Variants in B4GALNT2 observed in about 807,000 individuals in gnomAD.
B4GALNT2 encodes the protein beta-1,4-N-acetyl-galactosaminyltransferase 2 (SID blood group).
B4GALNT2 carries 42 observed loss-of-function variants against 51.1 expected under a neutral mutation model. That is an observed-to-expected ratio of 0.82 (90% CI 0.64 to 1.06). B4GALNT2 has a LOEUF of 1.06. Among genes scored for constraint, B4GALNT2 ranks in the 50% least tolerant of loss-of-function variants. The pLI is 0.00. For synonymous variants in B4GALNT2, 253 were observed against 251.7 expected (o/e 1.01, Z -0.05); for missense variants, 602 against 633.6 (o/e 0.95, Z 0.54).
rs1422741889 is a variant in B4GALNT2 at position 49,170,996 on chromosome 17, TGGG to T, written c.*1269_*1271del. ...GAATGCTTTAAGCGGTTTTCCACCC[TGGG>T]TGGGCCAGGTGTTCCTTGCCCTTAT... On this transcript the variant is annotated 3_prime_UTR_variant, in exon 11 of 11. Coordinates refer to ENST00000393354, the MANE Select transcript of B4GALNT2 (RefSeq NM_001159387.2). The T allele has an allele frequency of 1.9e-5, 3 of 155,198 alleles. No individual in the cohort carries two copies. The highest frequency in any genetic ancestry group is 7.2e-5 in the African/African-American group (3 of 41,476). The allele number at this position is 155,198 out of a possible 1,614,324, so 9.6% of individuals were successfully genotyped here.
chr17:49,165,475 T>G (rs1345010587), intron 8 of B4GALNT2, among the ~76,000 whole-genome samples: 1 of 95,652 alleles, frequency 1.0e-5, no homozygotes, highest in African/African-American at 4.3e-5. Context: ...TCTCTCCCTC[T>G]CTTCTTCCCA....
intron 1 of B4GALNT2, among the ~76,000 whole-genome samples, chr17:49,139,055 G>A (rs1030714918): frequency 1.3e-5 from 2 of 151,970 alleles, no homozygotes; most frequent in African/African-American, 4.8e-5. Flanking sequence ...TTGTCACCAG[G>A]TACCCTATTA....
Position 49,156,595 on chromosome 17 carries a change from G to T in B4GALNT2, c.490G>T (p.Val164Phe), listed in dbSNP as rs149941656. The T allele has an allele frequency of 4.3e-6, 7 of 1,613,534 alleles. No individual in the cohort carries two copies. Among genetic ancestry groups the T allele is most frequent in the African/African-American group, 2.7e-5 (2 of 74,888 alleles). ...CCAGTTTGAAGGACCCGATGCCCCC[G>T]TCTATGAGGTGAGTCCTTCTCCCAG... The part of the protein sequence containing the change: ...GLQFEGPDAP[V>F]YEVTLTASLG... The change falls in exon 5 of 11, where the codon GTC becomes TTC. Residue 164 changes from valine (V) to phenylalanine (F), a missense_variant. By Grantham distance (50) the Val-to-Phe change is conservative. Coordinates refer to ENST00000393354, the MANE Select transcript of B4GALNT2 (RefSeq NM_001159387.2).
the B4GALNT2 span, among the ~76,000 whole-genome samples, chr17:49,127,449 TA>T: frequency 6.6e-6 from 1 of 152,182 alleles, no homozygotes; most frequent in South Asian, 2.1e-4. Flanking sequence ...AATCTTACTG[TA>T]CCAGTAAGTT....
At position 49,172,895 on chromosome 17, in the gene B4GALNT2, C is replaced by T. The variant is rs1247968865; in HGVS notation, c.*3167C>T. The T allele has an allele frequency of 6.6e-6, 1 of 152,172 alleles. No individual in the cohort carries two copies. Among genetic ancestry groups the T allele is most frequent in the Non-Finnish European group, 1.5e-5 (1 of 68,024 alleles). 9.4% of individuals were successfully genotyped at this position (152,172 alleles called of 1,614,324 possible). A position where few individuals can be genotyped will look rare whatever the true frequency, so the allele number is the denominator to read the frequency against. On this transcript the variant is annotated 3_prime_UTR_variant, in exon 11 of 11. Transcript: ENST00000393354. ...GGGAACATGTGTGACATCCATTTGC[C>T]AAAGAGAATTAGGTTCCAATCCTTG...
intron 3 of B4GALNT2, among the ~76,000 whole-genome samples, chr17:49,146,191 CATT>C (rs936584738): frequency 3.0e-4 from 46 of 152,308 alleles, no homozygotes; most frequent in African/African-American, 1.1e-3. Context: ...ACCTAGTTGG[CATT>C]ATAATTGTGA....
At chr17:49,153,342 G>A (rs1170862261) in intron 4 of B4GALNT2, among the ~76,000 whole-genome samples, 1 of 152,062 alleles carries the variant, frequency 6.6e-6, no homozygotes, top group Non-Finnish European at 1.5e-5. Context: ...TTGAACCTGG[G>A]AGGCCGAGGC....
At chr17:49,136,882 C>A (rs933760059) in intron 1 of B4GALNT2, among the ~76,000 whole-genome samples, 1 of 152,094 alleles carries the variant, frequency 6.6e-6, no homozygotes, top group Non-Finnish European at 1.5e-5. Context: ...GAACACTTGG[C>A]AAATTGTTTC....
chr17:49,134,696 C>T (rs988237037), intron 1 of B4GALNT2, among the ~76,000 whole-genome samples: 9 of 152,210 alleles, frequency 5.9e-5, no homozygotes, highest in South Asian at 4.1e-4. Flanking sequence ...CAAGCAATTC[C>T]CCTGCCTCAG....
upstream of B4GALNT2, among the ~76,000 whole-genome samples, chr17:49,131,204 C>CT (rs2042535933): frequency 1.3e-5 from 2 of 152,096 alleles, no homozygotes; most frequent in African/African-American, 4.8e-5. Flanking sequence ...ATACAAATGT[C>CT]TTTTTTTACC....
intron 3 of B4GALNT2, among the ~76,000 whole-genome samples, chr17:49,145,997 G>C (rs997675005): frequency 6.6e-6 from 1 of 152,086 alleles, no homozygotes; most frequent in African/African-American, 2.4e-5. Flanking sequence ...AATGTTGCGG[G>C]AACAGGAAGC....
chr17:49,141,581 G>A (rs1019966919), intron 2 of B4GALNT2, 134 bp downstream of exon 2: 236 of 946,700 alleles, frequency 2.5e-4, no homozygotes, highest in Admixed American at 2.1e-4. Context: ...ATGCACAAGT[G>A]ACTGCAAGCC....
Position 49,169,689 on chromosome 17 carries a change from C to T in B4GALNT2, c.1482C>T (p.Ala494=), listed in dbSNP as rs369458791. 153 of 1,601,218 alleles carry T rather than the reference C, an allele frequency of 9.6e-5. No individual in the cohort carries two copies. The highest frequency in any genetic ancestry group is 4.5e-5 in the East Asian group (2 of 44,664). ...TCACCCGGGTCCAGTTCAAGCTGGCCCTCCACTACTTCAAGAACCATCTCC... is the reference window on the plus strand; with the variant it reads ...TCACCCGGGTCCAGTTCAAGCTGGCTCTCCACTACTTCAAGAACCATCTCC... ...NTLTRVQFKL[A]LHYFKNHLQC... Residue 494 remains alanine (A), a synonymous_variant, in exon 11 of 11, where the codon GCC becomes GCT. Coordinates refer to ENST00000393354, the MANE Select transcript of B4GALNT2 (RefSeq NM_001159387.2).
intron 3 of B4GALNT2, 95 bp from the exon 4 acceptor site, chr17:49,152,705 G>A: frequency 2.4e-6 from 2 of 842,302 alleles, no homozygotes; most frequent in Non-Finnish European, 3.6e-6. Context: ...TCTCCATATT[G>A]TCAGGGCAAG....
upstream of B4GALNT2, among the ~76,000 whole-genome samples, chr17:49,130,182 G>A (rs889435092): frequency 3.9e-5 from 6 of 152,258 alleles, no homozygotes; most frequent in East Asian, 1.9e-4. Context: ...ACACTAATGT[G>A]AAGCAAGAGT....
At chr17:49,130,527 A>T (rs145556519), upstream of B4GALNT2, among the ~76,000 whole-genome samples, 384 of 152,300 alleles carry the variant, frequency 2.5e-3, 4 homozygotes, top group Middle Eastern at 0.027. Flanking sequence ...AATCCCAGCT[A>T]CTTAGGAGGC....
intron 1 of B4GALNT2, among the ~76,000 whole-genome samples, chr17:49,137,956 A>C (rs888119307): frequency 6.6e-6 from 1 of 152,230 alleles, no homozygotes; most frequent in Admixed American, 6.5e-5. Flanking sequence ...AACCTGATGT[A>C]TATTGGTACA....
chr17:49,127,744 A>C (rs1404552625), upstream of B4GALNT2, among the ~76,000 whole-genome samples: 1 of 152,094 alleles, frequency 6.6e-6, no homozygotes, highest in African/African-American at 2.4e-5. Flanking sequence ...TAGCTGGAAG[A>C]CAAAGACAGA....
intron 1 of B4GALNT2, among the ~76,000 whole-genome samples, chr17:49,139,504 G>A (rs946503224): frequency 5.3e-5 from 8 of 152,176 alleles, no homozygotes; most frequent in African/African-American, 1.4e-4. Context: ...GGGATTACAG[G>A]CGTGAGACAC....
Sources: gnomAD v4.1 joint callset for allele counts (sites outside exome capture counted in the v4.1 genomes callset) on GRCh38, gnomAD v4.1.1 for gene constraint, MANE v1.5 for transcripts, NCBI Gene and HGNC (gene_info 2026-07-23, HGNC 2026-07-21) for gene names.